The following KLHL4 variants were observed in gnomAD, a reference collection of about 807,000 sequenced individuals.
The protein encoded by KLHL4 is kelch-like protein 4.
Under a neutral mutation model 45.8 loss-of-function variants are expected in KLHL4, and 17 were observed. The ratio of observed to expected loss-of-function variants is 0.37; its 90% CI spans 0.25 to 0.56. The LOEUF is 0.56. KLHL4 is among the 20% of genes least tolerant of loss of function. The pLI is 0.79. For synonymous variants in KLHL4, 224 were observed against 189.9 expected (o/e 1.18, Z -1.47); for missense variants, 544 against 544.9 (o/e 1.00, Z 0.02).
At chrX:87,641,737 A>C in intron 9 of KLHL4, among the ~76,000 whole-genome samples, 1 of 110,923 alleles carries the variant, frequency 9.0e-6, no homozygotes, top group African/African-American at 3.3e-5. Flanking sequence ...TTTGGTTTGC[A>C]CGGGAGCTGG....
intron 1 of KLHL4, among the ~76,000 whole-genome samples, chrX:87,522,706 G>A (rs1024270703): frequency 3.6e-5 from 4 of 112,095 alleles, no homozygotes; most frequent in African/African-American, 6.5e-5. Flanking sequence ...AAAACACACC[G>A]CACAAAATTA....
intron 9 of KLHL4, among the ~76,000 whole-genome samples, chrX:87,663,768 G>T (rs1032276732): frequency 1.8e-5 from 2 of 112,193 alleles, no homozygotes; most frequent in African/African-American, 3.2e-5. Flanking sequence ...AATTTAAGTT[G>T]TCTGAGTTAT....
chrX:87,669,281 T>C lies in KLHL4; in HGVS notation c.*2747T>C. 2 of 1,201,199 alleles carry C rather than the reference T, an allele frequency of 1.7e-6. No individual in the cohort carries two copies. Among genetic ancestry groups the C allele is most frequent in the Non-Finnish European group, 2.2e-6 (2 of 889,549 alleles). ...CCTACTCTGCAACTCTCAGCATGCA[T>C]CATGATGATTCTCTAACACTGTCTG... is the stretch of plus-strand genomic sequence containing the variant. On this transcript the variant is annotated 3_prime_UTR_variant, in exon 11 of 11. Transcript: ENST00000373119.
chrX:87,642,581 G>C (rs767896346), intron 9 of KLHL4, among the ~76,000 whole-genome samples: 1 of 112,135 alleles, frequency 8.9e-6, no homozygotes, highest in East Asian at 2.8e-4. Flanking sequence ...GAATTCAGGA[G>C]GTTAGTTATT....
chrX:87,663,414 G>A (rs747884686), intron 9 of KLHL4, among the ~76,000 whole-genome samples: 27 of 112,247 alleles, frequency 2.4e-4, no homozygotes, highest in Non-Finnish European at 4.1e-4. Context: ...TTACCAATTA[G>A]TTTTTCTTCA....
intron 1 of KLHL4, among the ~76,000 whole-genome samples, chrX:87,566,662 A>G (rs73509884): frequency 2.7e-5 from 3 of 111,712 alleles, no homozygotes; most frequent in South Asian, 3.7e-4. Context: ...TTGAAAAATC[A>G]TAAGTCAAAC....
intron 1 of KLHL4, among the ~76,000 whole-genome samples, chrX:87,587,623 A>G (rs1921524129): frequency 9.0e-6 from 1 of 111,280 alleles, no homozygotes; most frequent in Non-Finnish European, 1.9e-5. Context: ...TAAAAACCCT[A>G]AAACAACTGG....
chrX:87,668,134 C>G lies in KLHL4; in HGVS notation c.*1600C>G. ...AGGTGAAGATAGAGACATAGAGAGG[C>G]TGTGAAACACACATACAGCCCTGTT... On this transcript the variant is annotated 3_prime_UTR_variant, in exon 11 of 11. Transcript: ENST00000373119. The G allele has an allele frequency of 1.3e-6, 1 of 750,055 alleles. No individual in the cohort carries two copies. The highest frequency in any genetic ancestry group is 1.6e-6 in the Non-Finnish European group (1 of 635,352). The allele number at this position is 750,055 out of a possible 1,213,427, so 61.8% of individuals were successfully genotyped here. A position where few individuals can be genotyped will look rare whatever the true frequency, so the allele number is the denominator to read the frequency against.
At chrX:87,584,499 C>T (rs768752907) in intron 1 of KLHL4, among the ~76,000 whole-genome samples, 1 of 111,673 alleles carries the variant, frequency 9.0e-6, no homozygotes, top group South Asian at 3.7e-4. Flanking sequence ...CTATCAGATA[C>T]ATTTAACAAA....
chrX:87,595,065 A>G, intron 1 of KLHL4, among the ~76,000 whole-genome samples: 1 of 108,743 alleles, frequency 9.2e-6, no homozygotes, highest in South Asian at 4.1e-4. Flanking sequence ...ACACGTGCAC[A>G]ACGTGCAGGT....
chrX:87,549,950 T>C lies in KLHL4; in HGVS notation c.422+31635T>C, dbSNP rs191405979. 2.7e-5 allele frequency among the ~76,000 whole-genome samples: 3 copies of C among 110,965 alleles called. No individual in the cohort carries two copies. The East Asian group carries it at 8.5e-4, about 32-fold the overall frequency. On this transcript the variant is annotated intron_variant, in intron 1 of 10. Coordinates refer to ENST00000373119, the MANE Select transcript of KLHL4 (RefSeq NM_019117.5). ...AATAACATTGAAATGAAGAAAACAA[T>C]TCAAAAGATCAATGAAACAACAAGA...
At chrX:87,649,104 G>C (rs951786507) in intron 9 of KLHL4, among the ~76,000 whole-genome samples, 4 of 111,155 alleles carry the variant, frequency 3.6e-5, no homozygotes, top group Admixed American at 1.9e-4. Flanking sequence ...ACACTGTTTT[G>C]CAAATATCAC....
At chrX:87,595,005 C>T (rs192236340) in intron 1 of KLHL4, among the ~76,000 whole-genome samples, 1 of 103,583 alleles carries the variant, frequency 9.7e-6, no homozygotes, top group East Asian at 3.1e-4. Flanking sequence ...ATTTTTCCTC[C>T]TCTACCCTTC....
intron 1 of KLHL4, among the ~76,000 whole-genome samples, chrX:87,596,571 T>C (rs1403477220): frequency 8.9e-6 from 1 of 111,945 alleles, no homozygotes; most frequent in Admixed American, 9.6e-5. Context: ...GTAAATAAAA[T>C]ACATAAGTCT....
chrX:87,533,904 G>T (rs746156372), intron 1 of KLHL4, among the ~76,000 whole-genome samples: 2 of 110,407 alleles, frequency 1.8e-5, no homozygotes, highest in Non-Finnish European at 3.8e-5. Context: ...AAAAATCTGG[G>T]TATAGTCCAA....
chrX:87,544,908 A>T (rs1480287435), intron 1 of KLHL4, among the ~76,000 whole-genome samples: 1 of 111,888 alleles, frequency 8.9e-6, no homozygotes, highest in Non-Finnish European at 1.9e-5. Context: ...CAAAAAACAC[A>T]TACTAGGATC....
At chrX:87,646,840 C>A (rs1024761069) in intron 9 of KLHL4, among the ~76,000 whole-genome samples, 1 of 111,459 alleles carries the variant, frequency 9.0e-6, no homozygotes, top group Non-Finnish European at 1.9e-5. Context: ...TTAGCTTAGG[C>A]AAAGACTTCA....
chrX:87,669,320 T>C lies in KLHL4; in HGVS notation c.*2786T>C, dbSNP rs767153932. On this transcript the variant is annotated 3_prime_UTR_variant, in exon 11 of 11. Transcript: ENST00000373119. ...TAACACTGTCTGTCACCTTCCTGTA[T>C]TTCCACAGAGCATGCAAGAACTTCT... 5.0e-6 allele frequency: 6 copies of C among 1,207,134 alleles called. No homozygotes were observed. Among genetic ancestry groups the C allele is most frequent in the Admixed American group, 2.2e-5 (1 of 45,423 alleles).
At chrX:87,612,358 ATACT>A (rs1569353148) in intron 1 of KLHL4, among the ~76,000 whole-genome samples, 1 of 111,730 alleles carries the variant, frequency 9.0e-6, no homozygotes, top group Non-Finnish European at 1.9e-5. Context: ...AGATGAAAAA[ATACT>A]TACTATTGTG....
Sources: allele counts gnomAD v4.1 joint callset (sites outside exome capture counted in the v4.1 genomes callset), GRCh38; gene constraint gnomAD v4.1.1; transcripts MANE v1.5; gene names NCBI Gene and HGNC (gene_info 2026-07-23, HGNC 2026-07-21).